Variants in CAST observed in about 807,000 individuals in gnomAD.
CAST encodes the protein calpastatin.
Under a neutral mutation model 119.6 loss-of-function variants are expected in CAST, and 76 were observed. That is an observed-to-expected ratio of 0.64 (90% CI 0.53 to 0.77). CAST has a LOEUF of 0.77. Ranked by LOEUF, CAST falls within the 30% of genes least tolerant of loss-of-function variation. The pLI is 0.00. For synonymous variants in CAST, 319 were observed against 331.6 expected, an observed-to-expected ratio of 0.96 and a Z score of 0.41; for missense variants, 953 against 946.5, an observed-to-expected ratio of 1.01 and a Z score of -0.09.
chr5:96,663,060 CCCGGCGCCTCCA>C (rs1320959838), intron 1 of CAST: 5 of 700,630 alleles, frequency 7.1e-6, no homozygotes, highest in Admixed American at 6.0e-5. Context: ...GGAGTGTGAG[CCCGGCGCCTCCA>C]ACGCAACACC....
the CAST span, among the ~76,000 whole-genome samples, chr5:96,463,769 T>G: frequency 6.6e-5 from 10 of 152,036 alleles, no homozygotes; most frequent in African/African-American, 2.4e-4. Flanking sequence ...TGCTTCTGCT[T>G]CTTCTCTGCC....
chr5:96,325,393 CTTTCT>C, the CAST span, among the ~76,000 whole-genome samples: 11 of 151,162 alleles, frequency 7.3e-5, no homozygotes, highest in Middle Eastern at 3.2e-3. Context: ...TTCTTTCTTT[CTTTCT>C]TTTCTTTCTT....
At chr5:96,047,736 T>C in the CAST span, among the ~76,000 whole-genome samples, 1 of 152,198 alleles carries the variant, frequency 6.6e-6, no homozygotes, top group Non-Finnish European at 1.5e-5. Context: ...GTCTTCATAG[T>C]GCTGCAAGCT....
At chr5:96,421,285 T>C in the CAST span, among the ~76,000 whole-genome samples, 2 of 152,196 alleles carry the variant, frequency 1.3e-5, no homozygotes, top group African/African-American at 4.8e-5. Flanking sequence ...TCGGGTGCTG[T>C]CTCCTCTCTC....
intron 2 of CAST, among the ~76,000 whole-genome samples, chr5:96,690,280 G>A (rs1031667853): frequency 1.3e-5 from 2 of 152,026 alleles, no homozygotes; most frequent in African/African-American, 2.4e-5. Context: ...TGCCCAGGCT[G>A]GAATGCAATG....
chr5:96,293,258 A>G, the CAST span, among the ~76,000 whole-genome samples: 2 of 152,272 alleles, frequency 1.3e-5, no homozygotes, highest in South Asian at 4.1e-4. Flanking sequence ...CCAGAAGCAG[A>G]AAGGCTGGTC....
At chr5:96,663,247 C>G in intron 1 of CAST, 1 of 702,096 alleles carries the variant, frequency 1.4e-6, no homozygotes, top group South Asian at 1.5e-5. Flanking sequence ...CCCTTCTGGG[C>G]GTGCGGATGA....
chr5:96,763,412 A>G (rs934945731), intron 25 of CAST, among the ~76,000 whole-genome samples: 3 of 152,226 alleles, frequency 2.0e-5, no homozygotes, highest in African/African-American at 7.2e-5. Context: ...GAAAGTCCCC[A>G]TGCAACAGAA....
At chr5:96,039,514 G>T in the CAST span, among the ~76,000 whole-genome samples, 1 of 152,026 alleles carries the variant, frequency 6.6e-6, no homozygotes, top group Non-Finnish European at 1.5e-5. Context: ...TAGGTCTTAC[G>T]TTTAAGTCTT....
rs1446992434 is a variant in CAST, at chr5:96,773,116, T to G, written c.*500T>G. ...TTGGGCTTTTGAACTGTATTTGATG[T>G]TGCTTTGGGATAATGTTTATAAGTC... On this transcript the variant is annotated 3_prime_UTR_variant, in exon 32 of 32. Transcript: ENST00000675179. 2 of 153,880 alleles carry G rather than the reference T, an allele frequency of 1.3e-5. No individual in the cohort carries two copies. The highest frequency in any genetic ancestry group is 4.8e-5 in the African/African-American group (2 of 41,452). The allele number at this position is 153,880 out of a possible 1,614,324, so 9.5% of individuals were successfully genotyped here.
At chr5:96,210,111 G>A in the CAST span, 1 of 151,648 alleles carries the variant, frequency 6.6e-6, no homozygotes. Flanking sequence ...CCTCAGCTGG[G>A]TCTATTTTGA....
At chr5:96,378,726 A>T in the CAST span, among the ~76,000 whole-genome samples, 83 of 152,106 alleles carry the variant, frequency 5.5e-4, no homozygotes, top group Non-Finnish European at 1.0e-3. Context: ...AAAGAAAAAG[A>T]ATACCAACTT....
At chr5:96,201,844 GC>G in the CAST span, among the ~76,000 whole-genome samples, 5 of 151,908 alleles carry the variant, frequency 3.3e-5, no homozygotes, top group African/African-American at 1.2e-4. Context: ...TGCCCCCAGG[GC>G]CCCATCTCCT....
intron 1 of CAST, among the ~76,000 whole-genome samples, chr5:96,666,689 C>T (rs987235436): frequency 3.3e-5 from 5 of 152,198 alleles, no homozygotes; most frequent in African/African-American, 1.2e-4. Flanking sequence ...TAGTTCGCGC[C>T]CCATTGTGTA....
chr5:96,382,261 A>T, the CAST span, among the ~76,000 whole-genome samples: 2 of 152,306 alleles, frequency 1.3e-5, no homozygotes, highest in East Asian at 3.9e-4. Flanking sequence ...TTTATCATGC[A>T]TCTTCACCAC....
At chr5:96,430,266 C>T in the CAST span, among the ~76,000 whole-genome samples, 5 of 152,184 alleles carry the variant, frequency 3.3e-5, no homozygotes, top group African/African-American at 7.2e-5. Flanking sequence ...TCCCTTTACT[C>T]AGTACTAAAT....
chr5:96,284,981 A>C, the CAST span, among the ~76,000 whole-genome samples: 1 of 152,248 alleles, frequency 6.6e-6, no homozygotes, highest in Non-Finnish European at 1.5e-5. Context: ...TATTAGCCCT[A>C]ACCTTTCTAA....
chr5:96,526,165 A>C (rs1429737088), upstream of CAST, among the ~76,000 whole-genome samples: 1 of 152,202 alleles, frequency 6.6e-6, no homozygotes, highest in Non-Finnish European at 1.5e-5. Flanking sequence ...AACATAAGAC[A>C]AAGTAACAGG....
chr5:96,495,825 AG>A, the CAST span, among the ~76,000 whole-genome samples: 2 of 152,214 alleles, frequency 1.3e-5, no homozygotes, highest in East Asian at 1.9e-4. Context: ...TTGAACAGAG[AG>A]GCTGTGGGAA....
Sources: allele counts gnomAD v4.1 joint callset (sites outside exome capture counted in the v4.1 genomes callset), GRCh38; gene constraint gnomAD v4.1.1; transcripts MANE v1.5; gene names NCBI Gene and HGNC (gene_info 2026-07-23, HGNC 2026-07-21).